HECTD4: variants seen among roughly 807,000 people sequenced by gnomAD.
The protein encoded by HECTD4 is probable E3 ubiquitin-protein ligase HECTD4.
In HECTD4, 114 loss-of-function variants were observed where a neutral mutation model predicts 471.5. That is an observed-to-expected ratio of 0.24 (90% CI 0.21 to 0.28). The LOEUF is 0.28. Ranked by LOEUF, HECTD4 falls within the 10% of genes least tolerant of loss-of-function variation. The probability of loss-of-function intolerance (pLI) is 1.00; values close to 1 mark genes in which losing one functional copy is unlikely to be tolerated. For missense variants in HECTD4, 3,866 were observed against 5,651.5 expected, an observed-to-expected ratio of 0.68 and a Z score of 10.13; for synonymous variants, 2,012 against 2,256.0, an observed-to-expected ratio of 0.89 and a Z score of 3.07.
In HECTD4 at chr12:112,306,230, C is replaced by T; in HGVS notation, c.1169G>A (p.Cys390Tyr). ...ATTGGCTGGCATTGGCACCACCTGG[C>T]ACACCTGGGCATGAAAGGGAGGAAA... ...QVIDQNTLQV[C>Y]QVVPMPANHL... is the part of the protein sequence containing the mutation. Residue 390 changes from cysteine (C) to tyrosine (Y), a missense_variant, in exon 7 of 76, where the codon TGC becomes TAC. Physicochemically the swap from Cys to Tyr is radical, Grantham distance 194. Coordinates refer to ENST00000682272, the MANE Select transcript of HECTD4 (RefSeq NM_001388303.1). 2 of 1,543,900 alleles carry T rather than the reference C, an allele frequency of 1.3e-6. No individual in the cohort carries two copies. The highest frequency in any genetic ancestry group is 1.7e-6 in the Non-Finnish European group (2 of 1,148,550).
rs781016964 is a variant in HECTD4 at position 112,216,861 on chromosome 12, C to T, written c.7297G>A (p.Gly2433Arg). 3.1e-6 allele frequency: 5 copies of T among 1,613,980 alleles called. No homozygotes were observed. Among genetic ancestry groups the T allele is most frequent in the South Asian group, 1.1e-5 (1 of 91,078 alleles). The change falls in exon 47 of 76, where the codon GGA becomes AGA. Residue 2433 changes from glycine to arginine, a missense_variant. Around this residue, in one of 16 missense-constraint regions of HECTD4, gnomAD observed 617 missense variants for 915.1 expected, o/e 0.67. Coordinates refer to ENST00000682272, the MANE Select transcript of HECTD4 (RefSeq NM_001388303.1). The part of the protein sequence containing the change: ...VSYGDTDDDT[G>R]PIVSFGFTTE... The stretch of plus-strand genomic sequence containing the variant: ...GTGAAGCCAAAGGAAACTATGGGTC[C>T]GGTGTCATCATCGGTGTCTCCATAG...
At chr12:112,352,618 CT>C (rs567112764) in intron 1 of HECTD4, among the ~76,000 whole-genome samples, 123 of 149,690 alleles carry the variant, frequency 8.2e-4, no homozygotes, top group East Asian at 7.9e-3. Context: ...TTTTTCCCTT[CT>C]TTTTTGAGAC....
At chr12:112,206,298 C>A (rs190907197) in intron 52 of HECTD4, among the ~76,000 whole-genome samples, 6 of 151,946 alleles carry the variant, frequency 3.9e-5, no homozygotes, top group Non-Finnish European at 8.8e-5. Context: ...AGTTCAAGAC[C>A]ACCCTGAGGG....
Position 112,237,061 on chromosome 12 carries a change from C to G in HECTD4, c.5328G>C (p.Arg1776=), listed in dbSNP as rs781487814. The change falls in exon 35 of 76, where the codon CGG becomes CGC. Residue 1776 remains arginine, a synonymous_variant. Coordinates refer to ENST00000682272, the MANE Select transcript of HECTD4 (RefSeq NM_001388303.1). ...GGTTAGTGAGAAGGCTGGACACCTG[C>G]CGGGCCAGACCTGAGTGCACAGCCT... ...STEAVHSGLA[R]QVSSLLTNHL... 6.3e-7 allele frequency: 1 copy of G among 1,595,248 alleles called. No homozygotes were observed. Among genetic ancestry groups the G allele is most frequent in the Non-Finnish European group, 8.5e-7 (1 of 1,171,422 alleles).
At chr12:112,164,061 G>A in intron 73 of HECTD4, 48 bp downstream of exon 73, 3 of 1,377,294 alleles carry the variant, frequency 2.2e-6, no homozygotes, top group Non-Finnish European at 2.8e-6. Context: ...ACCCTGGCTG[G>A]CTGGCCGGGC....
At chr12:112,309,456 C>T in intron 5 of HECTD4, 105 bp downstream of exon 5, 2 of 550,470 alleles carry the variant, frequency 3.6e-6, no homozygotes, top group Non-Finnish European at 6.3e-6. Flanking sequence ...TATTTAGTTA[C>T]TAGTCTATGG....
intron 44 of HECTD4, among the ~76,000 whole-genome samples, chr12:112,224,844 TAA>T (rs1353272050): frequency 7.9e-5 from 12 of 152,320 alleles, no homozygotes; most frequent in Admixed American, 3.9e-4. Flanking sequence ...ATAAAATATA[TAA>T]GAGGATACCC....
chr12:112,360,004 T>A (rs897680701), intron 1 of HECTD4, among the ~76,000 whole-genome samples: 5 of 152,322 alleles, frequency 3.3e-5, no homozygotes, highest in Non-Finnish European at 7.3e-5. Context: ...TTTTCCCAAT[T>A]GATGCAACAG....
chr12:112,312,925 A>C, intron 4 of HECTD4, 92 bp downstream of exon 4: 12 of 984,296 alleles, frequency 1.2e-5, no homozygotes, highest in Non-Finnish European at 1.8e-5. Context: ...AAAGGAACAT[A>C]CAGAGTTATA....
At chr12:112,244,975 AC>A (rs1347902279) in intron 29 of HECTD4, among the ~76,000 whole-genome samples, 3 of 152,150 alleles carry the variant, frequency 2.0e-5, no homozygotes, top group African/African-American at 4.8e-5. Flanking sequence ...AGGAAAAAAA[AC>A]ATTTTGTTTT....
At chr12:112,180,458 C>T (rs954718414) in intron 62 of HECTD4, among the ~76,000 whole-genome samples, 3 of 151,856 alleles carry the variant, frequency 2.0e-5, no homozygotes, top group Non-Finnish European at 2.9e-5. Flanking sequence ...TCACTTGAAA[C>T]CAGGAGGTGG....
intron 7 of HECTD4, among the ~76,000 whole-genome samples, chr12:112,289,985 CT>C (rs2034842121): frequency 6.6e-6 from 1 of 151,200 alleles, no homozygotes; most frequent in African/African-American, 2.4e-5. Flanking sequence ...CCTATTCTTT[CT>C]TTTTAAAGGG....
chr12:112,228,527 T>G lies in HECTD4; in HGVS notation c.6684+120A>C, dbSNP rs1020487613. ...ACTATAACCAATACATAAATATACATCACAAGTACAATTTAAGATAATCAA... is the reference window on the plus strand; with the variant it reads ...ACTATAACCAATACATAAATATACAGCACAAGTACAATTTAAGATAATCAA... On this transcript the variant is annotated intron_variant, in intron 42 of 75. Coordinates refer to ENST00000682272, the MANE Select transcript of HECTD4 (RefSeq NM_001388303.1). This position sits in a 1 kb window ranked among gnomAD's most constrained non-coding sequence, Gnocchi z 4.9. 8 of 976,260 alleles carry G rather than the reference T, an allele frequency of 8.2e-6. No individual in the cohort carries two copies. The African/African-American group carries it at 1.3e-4, about 16-fold the overall frequency. The allele number at this position is 976,260 out of a possible 1,614,324, so 60.5% of individuals were successfully genotyped here. A position where few individuals can be genotyped will look rare whatever the true frequency, so the allele number is the denominator to read the frequency against.
In HECTD4 at chr12:112,219,414, G is replaced by A. The variant is rs756192819; in HGVS notation, c.7046C>T (p.Pro2349Leu). The change falls in exon 45 of 76, where the codon CCA becomes CTA. Residue 2349 changes from proline (P) to leucine (L), a missense_variant. This residue lies in a region of HECTD4 where 617 missense variants were observed against 915.1 expected (regional missense o/e 0.67). Coordinates refer to ENST00000682272, the MANE Select transcript of HECTD4 (RefSeq NM_001388303.1). ...MLYRDCARPP[P>L]PPLQADRRQP... ...TCTTCGGTCAGCCTGCAAAGGAGGT[G>A]GTGGGGGCCGAGCACAGTCCCGGTA... 6 of 1,613,590 alleles carry A rather than the reference G, an allele frequency of 3.7e-6. No individual in the cohort carries two copies.
At chr12:112,344,950 G>C (rs922195587) in intron 1 of HECTD4, among the ~76,000 whole-genome samples, 3 of 151,262 alleles carry the variant, frequency 2.0e-5, no homozygotes, top group Admixed American at 6.6e-5. Flanking sequence ...AGAGAAGAGA[G>C]AAGAGAAGAT....
rs2031813296 is a variant in HECTD4 at position 112,185,101 on chromosome 12, T to C, written c.9865A>G (p.Ser3289Gly). ...GACGAGGAGGAGGAGGACGAGTCAC[T>C]GAGATTTGGGGCGGTCGCTGAGGTC... is the stretch of plus-strand genomic sequence containing the variant. ...GVTSATAPNL[S>G]DSSSSSSSSP... Residue 3289 changes from serine to glycine, a missense_variant, in exon 61 of 76, where the codon AGT becomes GGT. By Grantham distance (56) the Ser-to-Gly change is moderately conservative (BLOSUM62 0). Coordinates refer to ENST00000682272, the MANE Select transcript of HECTD4 (RefSeq NM_001388303.1). 1 of 1,570,156 alleles carries C rather than the reference T, an allele frequency of 6.4e-7. No individual in the cohort carries two copies. The highest frequency in any genetic ancestry group is 8.6e-7 in the Non-Finnish European group (1 of 1,157,086).
Position 112,237,105 on chromosome 12 carries a change from A to G in HECTD4, c.5291-7T>C. ...ACAGCCTCTGTGGAGCCACCTTCAC[A>G]GTTAAAGAAAGAAAAAAAGAGATTG... On this transcript the variant is annotated splice_polypyrimidine_tract_variant and splice_region_variant and intron_variant, in intron 34 of 75. Transcript: ENST00000682272. 1.3e-6 allele frequency: 2 copies of G among 1,548,272 alleles called. No homozygotes were observed. The highest frequency in any genetic ancestry group is 2.0e-5 in the Admixed American group (1 of 51,172).
Position 112,163,013 on chromosome 12 carries a change from C to A in HECTD4, c.13120+29G>T. 1 of 1,519,034 alleles carries A rather than the reference C, an allele frequency of 6.6e-7. No individual in the cohort carries two copies. The highest frequency in any genetic ancestry group is 9.1e-7 in the Non-Finnish European group (1 of 1,103,556). 94.1% of individuals were successfully genotyped at this position (1,519,034 alleles called of 1,614,324 possible). On this transcript the variant is annotated intron_variant, in intron 75 of 75. Coordinates refer to ENST00000682272, the MANE Select transcript of HECTD4 (RefSeq NM_001388303.1). The surrounding 1 kb of genome is among the most constrained non-coding windows in gnomAD (Gnocchi z 8.2). ...ACAGAGAAAGGCTAGTGTGTCCCTA[C>A]TTGGGACATGGCCAGGGGAGGGCGG...
At chr12:112,190,210 C>G (rs1307299899) in intron 60 of HECTD4, among the ~76,000 whole-genome samples, 5 of 152,242 alleles carry the variant, frequency 3.3e-5, no homozygotes, top group Admixed American at 2.0e-4. Context: ...GTCTACTCCT[C>G]TATTCATCCA....
Sources: allele counts gnomAD v4.1 joint callset (sites outside exome capture counted in the v4.1 genomes callset), GRCh38; gene constraint gnomAD v4.1.1; regional missense constraint gnomAD v4.1.1; non-coding constraint Gnocchi (gnomAD v3.1); transcripts MANE v1.5; gene names NCBI Gene and HGNC (gene_info 2026-07-23, HGNC 2026-07-21).